The following ZNF121 variants were observed in gnomAD, a reference collection of about 807,000 sequenced individuals.
The protein encoded by ZNF121 is zinc finger protein 121 (clone ZHC32).
A neutral mutation model predicts 2.4 loss-of-function variants in ZNF121; 1 was observed. The ratio of observed to expected loss-of-function variants is 0.41; its 90% CI spans 0.15 to 1.94. ZNF121 has a LOEUF of 1.94. ZNF121 is among the 30% of genes most tolerant of loss of function. The probability of loss-of-function intolerance (pLI) is 0.30; values close to 1 mark genes in which losing one functional copy is unlikely to be tolerated. For missense variants in ZNF121, 369 were observed against 466.3 expected (o/e 0.79, Z 1.92); for synonymous variants, 173 against 158.6 (o/e 1.09, Z -0.68).
rs2074101171 is a variant in ZNF121, at chr19:9,561,631, A to T, written c.*4309T>A. 6.6e-6 allele frequency: 1 copy of T among 152,228 alleles called. No individual in the cohort carries two copies. The highest frequency in any genetic ancestry group is 6.5e-5 in the Admixed American group (1 of 15,276). The allele number at this position is 152,228 out of a possible 1,614,324, so 9.4% of individuals were successfully genotyped here. A position where few individuals can be genotyped will look rare whatever the true frequency, so the allele number is the denominator to read the frequency against. ...ACTGGGTGTGGTGGCTCACACCTGT[A>T]ATCCTGGCACTTTGGGAGGCTGAGG... On this transcript the variant is annotated 3_prime_UTR_variant, in exon 4 of 4. Transcript: ENST00000320451.
At chr19:9,579,625 G>A (rs1163453932) in intron 1 of ZNF121, among the ~76,000 whole-genome samples, 2 of 152,178 alleles carry the variant, frequency 1.3e-5, no homozygotes, top group African/African-American at 4.8e-5. Context: ...CCGAGATCAT[G>A]CCACTGCATT....
In ZNF121 at chr19:9,566,940, C is replaced by T; in HGVS notation, c.173G>A (p.Gly58Glu). The stretch of plus-strand genomic sequence containing the variant: ...CTGATTCAACACAGAAAGTGTCTCT[C>T]CAGCAGGGGCACTGTTGTGTAACAT... ...FPMLHNSAPA[G>E]ETLSVLNQCR... Residue 58 changes from glycine to glutamate, a missense_variant, in exon 4 of 4, where the codon GGA becomes GAA. This residue lies in a region of ZNF121 where 168 missense variants were observed against 162.3 expected (regional missense o/e 1.03). Coordinates refer to ENST00000320451, the MANE Select transcript of ZNF121 (RefSeq NM_001008727.5). 6.2e-7 allele frequency: 1 copy of T among 1,614,208 alleles called. No individual in the cohort carries two copies. Among genetic ancestry groups the T allele is most frequent in the Non-Finnish European group, 8.5e-7 (1 of 1,180,038 alleles).
rs569936430 is a variant in ZNF121, at chr19:9,569,775, C to T, written c.-159-693G>A. ...CTTGAACTCCCGACCTCAGGTGATC[C>T]GCCCACCTCAGCCTCCCAAAGTGCT... is the stretch of plus-strand genomic sequence containing the variant. On this transcript the variant is annotated intron_variant, in intron 1 of 3. Transcript: ENST00000320451. Among the ~76,000 whole-genome samples the T allele has an allele frequency of 8.8e-4, 133 of 150,902 alleles. 1 individual carries two copies. The highest frequency in any genetic ancestry group is 3.1e-3 in the African/African-American group (127 of 41,158).
At position 9,563,849 on chromosome 19, in the gene ZNF121, A is replaced by T. The variant is rs1265060570; in HGVS notation, c.*2091T>A. 1 of 152,236 alleles carries T rather than the reference A, an allele frequency of 6.6e-6. No individual in the cohort carries two copies. Among genetic ancestry groups the T allele is most frequent in the Admixed American group, 6.5e-5 (1 of 15,282 alleles). The allele number at this position is 152,236 out of a possible 1,614,324, so 9.4% of individuals were successfully genotyped here. A position where few individuals can be genotyped will look rare whatever the true frequency, so the allele number is the denominator to read the frequency against. On this transcript the variant is annotated 3_prime_UTR_variant, in exon 4 of 4. Coordinates refer to ENST00000320451, the MANE Select transcript of ZNF121 (RefSeq NM_001008727.5). The stretch of plus-strand genomic sequence containing the variant: ...ATGCTACATCTACTCTTCCTGTGGT[A>T]TCTATTTACATCTATTTACAGCATG...
intron 1 of ZNF121, among the ~76,000 whole-genome samples, chr19:9,574,824 G>A (rs1346555171): frequency 1.3e-5 from 2 of 152,118 alleles, no homozygotes; most frequent in African/African-American, 4.8e-5. Flanking sequence ...AGAACATAAA[G>A]TACATTGATT....
At chr19:9,583,752 G>T (rs1217751892) in intron 1 of ZNF121, among the ~76,000 whole-genome samples, 1 of 152,060 alleles carries the variant, frequency 6.6e-6, no homozygotes, top group Non-Finnish European at 1.5e-5. Context: ...TGATCTGCCC[G>T]CCTCGACCTC....
Position 9,566,332 on chromosome 19 carries a change from A to G in ZNF121, c.781T>C (p.Cys261Arg). The G allele has an allele frequency of 6.2e-7, 1 of 1,614,002 alleles. No homozygotes were observed. ...TEEKPFECKV[C>R]GKSFRSSSCL... ...GAAGAGCTTCTGAAGGATTTTCCAC[A>G]TACCTTACATTCAAAGGGCTTCTCC... Residue 261 changes from cysteine (C) to arginine (R), a missense_variant, in exon 4 of 4, where the codon TGT (cysteine) becomes CGT (arginine). Cys to Arg is a radical substitution (Grantham distance 180). Around this residue, in one of 4 missense-constraint regions of ZNF121, gnomAD observed 127 missense variants for 169.9 expected, o/e 0.75. Transcript: ENST00000320451.
chr19:9,570,750 G>C (rs908726559), intron 1 of ZNF121, among the ~76,000 whole-genome samples: 1 of 151,654 alleles, frequency 6.6e-6, no homozygotes, highest in Non-Finnish European at 1.5e-5. Context: ...GCGAGGGGGG[G>C]GGGTATTTTT....
At position 9,583,915 on chromosome 19, in the gene ZNF121, T is replaced by C. The variant is rs563955215; in HGVS notation, c.-160+546A>G. On this transcript the variant is annotated intron_variant, in intron 1 of 3. Coordinates refer to ENST00000320451, the MANE Select transcript of ZNF121 (RefSeq NM_001008727.5). ...CAGTCTACACGTGTTCATATTTACA[T>C]GCAGATATAGGCACACCCTAAACGA... is the stretch of plus-strand genomic sequence containing the variant. Among the ~76,000 whole-genome samples, 3 of 152,376 alleles carry C rather than the reference T, an allele frequency of 2.0e-5. No homozygotes were observed. In the East Asian group the frequency reaches 5.8e-4, roughly 29 times the overall value.
At chr19:9,569,974 T>C (rs2074162269) in intron 1 of ZNF121, among the ~76,000 whole-genome samples, 1 of 151,510 alleles carries the variant, frequency 6.6e-6, no homozygotes, top group Non-Finnish European at 1.5e-5. Flanking sequence ...TTTTGCTCTG[T>C]CCCCCAGGCT....
intron 1 of ZNF121, among the ~76,000 whole-genome samples, chr19:9,578,980 C>CAAAA (rs746310089): frequency 1.2e-5 from 1 of 86,112 alleles, no homozygotes; most frequent in Non-Finnish European, 2.7e-5. Context: ...AACTTGATAG[C>CAAAA]AAAAAAAAAA....
intron 1 of ZNF121, among the ~76,000 whole-genome samples, chr19:9,577,485 A>T (rs2074219189): frequency 6.6e-6 from 1 of 152,010 alleles, no homozygotes; most frequent in Non-Finnish European, 1.5e-5. Context: ...AAAAAAAAGT[A>T]ACCAAAAATG....
intron 1 of ZNF121, among the ~76,000 whole-genome samples, chr19:9,573,883 G>T (rs934445724): frequency 6.6e-6 from 1 of 152,046 alleles, no homozygotes; most frequent in Non-Finnish European, 1.5e-5. Context: ...GTCTCACTCC[G>T]TTGCCCAGGC....
rs543601344 is a variant in ZNF121, at chr19:9,562,128, T to C, written c.*3812A>G. 1.3e-5 allele frequency: 2 copies of C among 151,876 alleles called. No homozygotes were observed. Among genetic ancestry groups the C allele is most frequent in the Admixed American group, 1.3e-4 (2 of 15,202 alleles). 9.4% of individuals were successfully genotyped at this position (151,876 alleles called of 1,614,324 possible). ...AATTCTGACAATATTTCAAACATTT[T>C]CCTTATTATTATACTTACTGTGGTG... On this transcript the variant is annotated 3_prime_UTR_variant, in exon 4 of 4. Transcript: ENST00000320451.
At chr19:9,576,478 T>TA (rs533122100) in intron 1 of ZNF121, among the ~76,000 whole-genome samples, 20 of 152,072 alleles carry the variant, frequency 1.3e-4, no homozygotes, top group Non-Finnish European at 2.1e-4. Flanking sequence ...ATCTATGGGA[T>TA]AAAAGCAGTA....
chr19:9,580,739 T>C (rs2074243117), intron 1 of ZNF121, among the ~76,000 whole-genome samples: 1 of 152,192 alleles, frequency 6.6e-6, no homozygotes, highest in African/African-American at 2.4e-5. Context: ...AACGTGTCCA[T>C]GTTAAATGGC....
At chr19:9,574,524 C>G (rs112981095) in intron 1 of ZNF121, among the ~76,000 whole-genome samples, 1 of 152,056 alleles carries the variant, frequency 6.6e-6, no homozygotes, top group Admixed American at 6.5e-5. Flanking sequence ...GAGAGTACAC[C>G]GAACAAAGGA....
chr19:9,561,009 C>T lies in ZNF121; in HGVS notation c.*4931G>A, dbSNP rs180771283. On this transcript the variant is annotated 3_prime_UTR_variant, in exon 4 of 4. Transcript: ENST00000320451. The stretch of plus-strand genomic sequence containing the variant: ...TTATATTTTAATCTAGGATTGAGCA[C>T]GTGCTATTTTTGCAAGTGATGAAAG... 5.3e-5 allele frequency: 8 copies of T among 152,208 alleles called. No homozygotes were observed. The highest frequency in any genetic ancestry group is 1.9e-4 in the East Asian group (1 of 5,182). 9.4% of individuals were successfully genotyped at this position (152,208 alleles called of 1,614,324 possible).
intron 3 of ZNF121, chr19:9,567,690 A>G: frequency 2.9e-6 from 1 of 342,342 alleles, no homozygotes; most frequent in Non-Finnish European, 6.0e-6. Flanking sequence ...GTTTTCCTGC[A>G]ACTAGACAGT....
Sources: gnomAD v4.1 joint callset for allele counts (sites outside exome capture counted in the v4.1 genomes callset) on GRCh38, gnomAD v4.1.1 for gene constraint, gnomAD v4.1.1 regional missense constraint, MANE v1.5 for transcripts, NCBI Gene and HGNC (gene_info 2026-07-23, HGNC 2026-07-21) for gene names.